CTNNB1: variants seen among roughly 807,000 people sequenced by gnomAD.
CTNNB1 encodes catenin beta-1.
CTNNB1 carries 6 observed loss-of-function variants against 82.5 expected under a neutral mutation model. The observed-to-expected ratio is 0.07, with a 90% CI of 0.04 to 0.14. CTNNB1 has a LOEUF of 0.14. Ranked by LOEUF, CTNNB1 falls within the 10% of genes least tolerant of loss-of-function variation. The pLI, the probability that CTNNB1 is intolerant of heterozygous loss-of-function variation, is 1.00. For missense variants in CTNNB1, 529 were observed against 980.4 expected (o/e 0.54, Z 6.15); for synonymous variants, 312 against 329.7 (o/e 0.95, Z 0.58).
At chr3:41,234,032 G>A in intron 9 of CTNNB1, 107 bp from the exon 10 acceptor site, 1 of 1,502,918 alleles carries the variant, frequency 6.7e-7, no homozygotes, top group Non-Finnish European at 9.2e-7. Flanking sequence ...TGTTTGTGTA[G>A]TCAGAACTAC....
chr3:41,233,307 T>C, intron 7 of CTNNB1, 34 bp from the exon 8 acceptor site: 1 of 1,579,550 alleles, frequency 6.3e-7, no homozygotes, highest in East Asian at 2.2e-5. Flanking sequence ...TTCTAGCTAA[T>C]GACTAGGGCC....
At chr3:41,237,833 GAA>G in intron 13 of CTNNB1, 181 bp from the exon 14 acceptor site, 2 of 585,328 alleles carry the variant, frequency 3.4e-6, no homozygotes, top group Non-Finnish European at 6.1e-6. Flanking sequence ...GGTGCAAAGA[GAA>G]AAAAAAATGT....
chr3:41,218,796 A>G (rs1468029156), intron 1 of CTNNB1, among the ~76,000 whole-genome samples: 1 of 152,176 alleles, frequency 6.6e-6, no homozygotes, highest in African/African-American at 2.4e-5. Context: ...GACTCAGACA[A>G]TCCACCTGCC....
chr3:41,227,502 T>C (rs573496715), intron 7 of CTNNB1, 150 bp downstream of exon 7: 42 of 788,192 alleles, frequency 5.3e-5, no homozygotes, highest in Non-Finnish European at 8.3e-5. Flanking sequence ...AGAGTACCTG[T>C]CATCTGGATT....
chr3:41,237,838 A>G, intron 13 of CTNNB1, 178 bp from the exon 14 acceptor site: 1 of 613,836 alleles, frequency 1.6e-6, no homozygotes, highest in South Asian at 1.9e-5. Flanking sequence ...AAAGAGAAAA[A>G]AAAATGTATC....
At chr3:41,205,284 AAATT>A (rs2077623226) in intron 1 of CTNNB1, among the ~76,000 whole-genome samples, 1 of 152,234 alleles carries the variant, frequency 6.6e-6, no homozygotes, top group South Asian at 2.1e-4. Flanking sequence ...AGGTAATTAA[AAATT>A]AATTGAATAT....
intron 1 of CTNNB1, among the ~76,000 whole-genome samples, chr3:41,204,934 A>G (rs187119106): frequency 9.1e-4 from 139 of 152,326 alleles, no homozygotes; most frequent in Non-Finnish European, 1.6e-3. Flanking sequence ...TTGATTATAG[A>G]TTAGGAGCTT....
At position 41,227,469 on chromosome 3, in the gene CTNNB1, G is replaced by T. The variant is rs1353245678; in HGVS notation, c.1081+117G>T. On this transcript the variant is annotated intron_variant, in intron 7 of 14. Transcript: ENST00000349496. ...TACTGAAAATAAATGGTCCTATTCA[G>T]TTTGCAGCCAAGATTTACATTCAGA... 7.4e-6 allele frequency: 8 copies of T among 1,076,404 alleles called. No individual in the cohort carries two copies. In the East Asian group the frequency reaches 2.0e-4, roughly 27 times the overall value. 66.7% of individuals were successfully genotyped at this position (1,076,404 alleles called of 1,614,324 possible). A position where few individuals can be genotyped will look rare whatever the true frequency, so the allele number is the denominator to read the frequency against.
chr3:41,200,988 G>GA (rs767603623), intron 1 of CTNNB1, among the ~76,000 whole-genome samples: 1 of 152,196 alleles, frequency 6.6e-6, no homozygotes, highest in Non-Finnish European at 1.5e-5. Context: ...TGAGAGCTTT[G>GA]TATCATGAAT....
At chr3:41,224,832 T>C (rs1331512940) in intron 3 of CTNNB1, 79 bp downstream of exon 3, 2 of 1,595,344 alleles carry the variant, frequency 1.3e-6, no homozygotes, top group East Asian at 4.5e-5. Flanking sequence ...TATAATAGTT[T>C]AAATAAAATG....
At chr3:41,201,314 T>G (rs1324029201) in intron 1 of CTNNB1, among the ~76,000 whole-genome samples, 1 of 152,204 alleles carries the variant, frequency 6.6e-6, no homozygotes, top group Non-Finnish European at 1.5e-5. Flanking sequence ...GCGGAATTTA[T>G]TTTACTTTTA....
chr3:41,200,517 T>A (rs1176227849), intron 1 of CTNNB1: 1 of 152,216 alleles, frequency 6.6e-6, no homozygotes, highest in Non-Finnish European at 1.5e-5. Flanking sequence ...ACTGCAGGAT[T>A]CAGCCTCTGA....
At chr3:41,221,123 TTGG>T (rs1034302332) in intron 1 of CTNNB1, 1 of 152,184 alleles carries the variant, frequency 6.6e-6, no homozygotes, top group Admixed American at 6.5e-5. Context: ...AAAACATCAC[TTGG>T]TGGTGATAAA....
Position 41,239,131 on chromosome 3 carries a change from T to G in CTNNB1, c.2138-3T>G, listed in dbSNP as rs1435897965. 4.3e-6 allele frequency: 7 copies of G among 1,613,440 alleles called. No individual in the cohort carries two copies. The Admixed American group carries it at 1.0e-4, about 23-fold the overall frequency. On this transcript the variant is annotated splice_region_variant and splice_polypyrimidine_tract_variant and intron_variant, in intron 14 of 14. Coordinates refer to ENST00000349496, the MANE Select transcript of CTNNB1 (RefSeq NM_001904.4). ...TATTTTGTTGACACCCTGACTCTTC[T>G]AGATCCTAGCTATCGTTCTTTTCAC...
chr3:41,215,592 C>G (rs2077898689), intron 1 of CTNNB1, among the ~76,000 whole-genome samples: 1 of 151,998 alleles, frequency 6.6e-6, no homozygotes, highest in Non-Finnish European at 1.5e-5. Flanking sequence ...ACTGTCTCAG[C>G]CCTCACAGAG....
chr3:41,240,347 CT>C lies in CTNNB1; in HGVS notation c.*1009del. 1 of 189,020 alleles carries C rather than the reference CT, an allele frequency of 5.3e-6. No individual in the cohort carries two copies. The highest frequency in any genetic ancestry group is 1.1e-5 in the Non-Finnish European group (1 of 89,552). The allele number at this position is 189,020 out of a possible 1,614,324, so 11.7% of individuals were successfully genotyped here. A position where few individuals can be genotyped will look rare whatever the true frequency, so the allele number is the denominator to read the frequency against. On this transcript the variant is annotated 3_prime_UTR_variant, in exon 15 of 15. Transcript: ENST00000349496. ...TTGTTTTGGACAGTTTACCAGTTGC[CT>C]TTTATCCCAAAGTTGTTGTAACCTG...
At chr3:41,223,929 G>T in intron 1 of CTNNB1, 92 bp from the exon 2 acceptor site, 2 of 936,898 alleles carry the variant, frequency 2.1e-6, no homozygotes, top group African/African-American at 3.3e-5. Flanking sequence ...TTTTGTGGGT[G>T]TAATAGTGAC....
intron 10 of CTNNB1, 62 bp downstream of exon 10, chr3:41,234,359 C>T (rs2078383390): frequency 1.3e-6 from 2 of 1,560,184 alleles, no homozygotes; most frequent in Non-Finnish European, 8.8e-7. Context: ...CCAAAGGATC[C>T]TGAACTTCTT....
At position 41,224,060 on chromosome 3, in the gene CTNNB1, G is replaced by C. The variant is rs5743390; in HGVS notation, c.-9G>C. On this transcript the variant is annotated 5_prime_UTR_variant, in exon 2 of 15. Coordinates refer to ENST00000349496, the MANE Select transcript of CTNNB1 (RefSeq NM_001904.4). The stretch of plus-strand genomic sequence containing the variant: ...ACCATACAACTGTTTTGAAAATCCA[G>C]CGTGGACAATGGCTACTCAAGGTTT... 1,406 of 1,613,682 alleles carry C rather than the reference G, an allele frequency of 8.7e-4. 2 individuals are homozygous for C. Among genetic ancestry groups the C allele is most frequent in the Non-Finnish European group, 1.1e-3 (1,290 of 1,179,686 alleles).
Sources: gnomAD v4.1 joint callset for allele counts (sites outside exome capture counted in the v4.1 genomes callset) on GRCh38, gnomAD v4.1.1 for gene constraint, MANE v1.5 for transcripts, NCBI Gene and HGNC (gene_info 2026-07-23, HGNC 2026-07-21) for gene names.